The following COG5 variants were observed in gnomAD, a reference collection of about 807,000 sequenced individuals.
COG5 encodes component of oligomeric golgi complex 5.
COG5 carries 86 observed loss-of-function variants against 110.4 expected under a neutral mutation model. That is an observed-to-expected ratio of 0.78 (90% CI 0.65 to 0.93). The LOEUF (loss-of-function observed/expected upper bound fraction) is 0.93, where lower values mean the gene tolerates loss of function less well. COG5 is among the 40% of genes least tolerant of loss of function. COG5 has a pLI of 0.00. For synonymous variants in COG5, 360 were observed against 334.6 expected, an observed-to-expected ratio of 1.08 and a Z score of -0.83; for missense variants, 1,077 against 987.0, an observed-to-expected ratio of 1.09 and a Z score of -1.22.
At chr7:107,207,214 C>A (rs1798846498) in intron 21 of COG5, among the ~76,000 whole-genome samples, 1 of 152,216 alleles carries the variant, frequency 6.6e-6, no homozygotes, top group Non-Finnish European at 1.5e-5. Flanking sequence ...GTTCCATCCT[C>A]CCTCTTCGTC....
At chr7:107,505,416 G>T (rs1472810864) in intron 6 of COG5, among the ~76,000 whole-genome samples, 1 of 152,184 alleles carries the variant, frequency 6.6e-6, no homozygotes, top group Non-Finnish European at 1.5e-5. Context: ...GATGTTTCAA[G>T]TGGAGAGGAA....
At chr7:107,544,681 T>A (rs979706116) in intron 5 of COG5, among the ~76,000 whole-genome samples, 24 of 152,170 alleles carry the variant, frequency 1.6e-4, no homozygotes, top group African/African-American at 5.6e-4. Flanking sequence ...AAAGCCAGTC[T>A]GCAAAGAGTG....
intron 6 of COG5, among the ~76,000 whole-genome samples, chr7:107,523,046 AG>A (rs1049466369): frequency 6.6e-6 from 1 of 151,926 alleles, no homozygotes; most frequent in African/African-American, 2.4e-5. Flanking sequence ...AATTTCTAAA[AG>A]CCCCCCTGGA....
intron 2 of COG5, among the ~76,000 whole-genome samples, chr7:107,557,543 T>C (rs918195064): frequency 2.0e-5 from 3 of 152,238 alleles, no homozygotes; most frequent in Admixed American, 2.0e-4. Context: ...ACATCTCATA[T>C]TGTATCCTAC....
chr7:107,261,608 T>C (rs891240842), intron 14 of COG5, among the ~76,000 whole-genome samples: 2 of 152,172 alleles, frequency 1.3e-5, no homozygotes, highest in Non-Finnish European at 2.9e-5. Flanking sequence ...CTGCAATACT[T>C]CTTGATTAAA....
At chr7:107,260,456 C>G (rs533461281) in intron 14 of COG5, among the ~76,000 whole-genome samples, 9 of 152,148 alleles carry the variant, frequency 5.9e-5, no homozygotes, top group African/African-American at 2.2e-4. Context: ...TATGAAGTTG[C>G]TTATTAGGGT....
At chr7:107,381,165 T>C (rs898436091) in intron 7 of COG5, among the ~76,000 whole-genome samples, 3 of 152,230 alleles carry the variant, frequency 2.0e-5, no homozygotes, top group Admixed American at 6.5e-5. Flanking sequence ...AAATCGTTTA[T>C]GTTAATCTGG....
chr7:107,552,174 C>G (rs1034956293), intron 3 of COG5, among the ~76,000 whole-genome samples: 3 of 152,194 alleles, frequency 2.0e-5, no homozygotes, highest in African/African-American at 7.2e-5. Flanking sequence ...TATACACACT[C>G]AATGTACTAC....
chr7:107,331,253 G>T (rs1198280450), intron 10 of COG5, among the ~76,000 whole-genome samples: 2 of 152,198 alleles, frequency 1.3e-5, no homozygotes, highest in Non-Finnish European at 2.9e-5. Context: ...AGATCACGAG[G>T]TCAGGAGATC....
At chr7:107,367,064 C>T (rs570653521) in intron 8 of COG5, among the ~76,000 whole-genome samples, 7 of 143,584 alleles carry the variant, frequency 4.9e-5, no homozygotes, top group South Asian at 4.3e-4. Context: ...ACTAACATTA[C>T]AATTGTCACC....
intron 13 of COG5, among the ~76,000 whole-genome samples, chr7:107,282,032 C>T (rs555751673): frequency 1.7e-3 from 243 of 147,072 alleles, no homozygotes; most frequent in African/African-American, 5.0e-3. Flanking sequence ...AAGTATTTTA[C>T]GAAGACCATG....
rs1379437827 is a variant in COG5 at position 107,399,871 on chromosome 7, C to G, written c.669+12631G>C. 2.0e-5 allele frequency among the ~76,000 whole-genome samples: 3 copies of G among 152,334 alleles called. No individual in the cohort carries two copies. In the East Asian group the frequency reaches 5.8e-4, roughly 29 times the overall value. ...ACATAAAAAGTACGAGAACCTCCTA[C>G]ACACCCACTAAAATGGCTAAAATTA... is the stretch of plus-strand genomic sequence containing the variant. On this transcript the variant is annotated intron_variant, in intron 7 of 21. Transcript: ENST00000297135.
intron 5 of COG5, among the ~76,000 whole-genome samples, chr7:107,532,080 C>T (rs754307511): frequency 6.6e-6 from 1 of 151,988 alleles, no homozygotes; most frequent in Non-Finnish European, 1.5e-5. Flanking sequence ...TTTTTTGAGA[C>T]GGTTTCGCTT....
chr7:107,533,403 A>G (rs1801350576), intron 5 of COG5, among the ~76,000 whole-genome samples: 1 of 151,622 alleles, frequency 6.6e-6, no homozygotes, highest in South Asian at 2.1e-4. Flanking sequence ...ACCCAATGCA[A>G]GGAAGCTAAG....
At chr7:107,499,942 G>A (rs905712245) in intron 6 of COG5, among the ~76,000 whole-genome samples, 4 of 151,942 alleles carry the variant, frequency 2.6e-5, no homozygotes, top group Admixed American at 6.6e-5. Context: ...GCATGTCCAC[G>A]TTTAAACCAT....
intron 10 of COG5, among the ~76,000 whole-genome samples, chr7:107,344,790 C>T (rs1811458478): frequency 6.6e-6 from 1 of 152,192 alleles, no homozygotes; most frequent in African/African-American, 2.4e-5. Context: ...TCCCAAAGTG[C>T]CGGGATTACA....
At chr7:107,552,266 AT>A (rs569912179) in intron 3 of COG5, among the ~76,000 whole-genome samples, 126 of 152,356 alleles carry the variant, frequency 8.3e-4, no homozygotes, top group African/African-American at 2.9e-3. Context: ...ATGCATAAAA[AT>A]ATTATGACAT....
intron 6 of COG5, among the ~76,000 whole-genome samples, chr7:107,514,773 A>G (rs896350475): frequency 1.3e-5 from 2 of 152,310 alleles, no homozygotes; most frequent in South Asian, 4.1e-4. Flanking sequence ...TATTCAATAA[A>G]CAATGGCTGA....
In COG5 at chr7:107,372,750, T is replaced by A. The variant is rs769249727; in HGVS notation, c.680A>T (p.Gln227Leu). The A allele has an allele frequency of 6.2e-7, 1 of 1,613,356 alleles. No homozygotes were observed. Among genetic ancestry groups the A allele is most frequent in the Non-Finnish European group, 8.5e-7 (1 of 1,179,734 alleles). ...EQGLETQNPTQVGTALQVFYN... is the reference protein window; with the variant it reads ...EQGLETQNPTLVGTALQVFYN... Reference sequence around the variant, plus strand: ...GAAAACCTGAAGAGCTGTTCCGACTTGAGTTGGATTCTTAAAAAAAGGTGG... The same window carrying A: ...GAAAACCTGAAGAGCTGTTCCGACTAGAGTTGGATTCTTAAAAAAAGGTGG... The change falls in exon 8 of 22, where the codon CAA becomes CTA. Residue 227 changes from glutamine to leucine, a missense_variant. Coordinates refer to ENST00000297135, the MANE Select transcript of COG5 (RefSeq NM_006348.5).
Sources: gnomAD v4.1 joint callset for allele counts (sites outside exome capture counted in the v4.1 genomes callset) on GRCh38, gnomAD v4.1.1 for gene constraint, MANE v1.5 for transcripts, NCBI Gene and HGNC (gene_info 2026-07-23, HGNC 2026-07-21) for gene names.